Variants in PGCKA1 observed in about 807,000 individuals in gnomAD.
PGCKA1 encodes PDCD10 and GCKIII kinases-associated protein 1.
chr4:37,551,846 G>A, the PGCKA1 span, among the ~76,000 whole-genome samples: 7 of 152,212 alleles, frequency 4.6e-5, no homozygotes, highest in East Asian at 3.9e-4. Context: ...AAGCTTCATC[G>A]CTACCTTAGT....
At chr4:37,513,016 A>G in the PGCKA1 span, among the ~76,000 whole-genome samples, 18 of 151,552 alleles carry the variant, frequency 1.2e-4, no homozygotes, top group African/African-American at 4.4e-4. Flanking sequence ...TGAACCTGGG[A>G]GGCGGAGATT....
the PGCKA1 span, chr4:37,590,344 G>A: frequency 2.9e-4 from 471 of 1,613,696 alleles, 3 homozygotes; most frequent in African/African-American, 5.3e-3. Context: ...CCATGCCTGC[G>A]GTGTCAACGG....
At chr4:37,537,833 A>T in the PGCKA1 span, among the ~76,000 whole-genome samples, 2 of 152,226 alleles carry the variant, frequency 1.3e-5, no homozygotes, top group South Asian at 4.1e-4. Flanking sequence ...AACCTTATGC[A>T]AGTTATTTAG....
the PGCKA1 span, among the ~76,000 whole-genome samples, chr4:37,550,814 A>G: frequency 6.6e-6 from 1 of 152,174 alleles, no homozygotes; most frequent in African/African-American, 2.4e-5. Flanking sequence ...CAGGAGATCA[A>G]TGGCCATGGG....
chr4:37,519,419 A>G, the PGCKA1 span, among the ~76,000 whole-genome samples: 1 of 151,990 alleles, frequency 6.6e-6, no homozygotes, highest in Non-Finnish European at 1.5e-5. Context: ...TTTCCTTTTT[A>G]TATGTACTCT....
At chr4:37,590,763 G>A in the PGCKA1 span, 62 of 1,614,118 alleles carry the variant, frequency 3.8e-5, no homozygotes, top group East Asian at 1.1e-3. Flanking sequence ...TCTCTGTGAG[G>A]AGAAGCTGGG....
At chr4:37,518,241 A>G in the PGCKA1 span, among the ~76,000 whole-genome samples, 1 of 152,220 alleles carries the variant, frequency 6.6e-6, no homozygotes, top group African/African-American at 2.4e-5. Context: ...ACAGGGGTGC[A>G]GATATCTCTT....
chr4:37,583,991 G>A, the PGCKA1 span, among the ~76,000 whole-genome samples: 350 of 152,264 alleles, frequency 2.3e-3, 1 homozygote, highest in African/African-American at 7.9e-3. Context: ...CCAATCTTAC[G>A]TCAAAAGAGC....
At chr4:37,576,523 A>G in the PGCKA1 span, among the ~76,000 whole-genome samples, 4 of 152,090 alleles carry the variant, frequency 2.6e-5, no homozygotes, top group Admixed American at 2.6e-4. Context: ...TCTCATCAGC[A>G]GACAAAGGTA....
chr4:37,496,084 T>TA, the PGCKA1 span, among the ~76,000 whole-genome samples: 1 of 152,214 alleles, frequency 6.6e-6, no homozygotes, highest in Non-Finnish European at 1.5e-5. Flanking sequence ...CTTACTCTGC[T>TA]GATAGTTTCT....
At chr4:37,552,022 T>G in the PGCKA1 span, among the ~76,000 whole-genome samples, 1 of 152,246 alleles carries the variant, frequency 6.6e-6, no homozygotes, top group East Asian at 1.9e-4. Context: ...TTGTTTTATA[T>G]TGTTTTATAC....
chr4:37,551,560 A>G, the PGCKA1 span, among the ~76,000 whole-genome samples: 2 of 152,220 alleles, frequency 1.3e-5, no homozygotes, highest in African/African-American at 4.8e-5. Flanking sequence ...ACTACTTGCT[A>G]GCAGCTGAAA....
chr4:37,532,437 A>G, the PGCKA1 span, among the ~76,000 whole-genome samples: 3 of 152,266 alleles, frequency 2.0e-5, no homozygotes, highest in Non-Finnish European at 2.9e-5. Context: ...ACTATAGGTT[A>G]ACTATGGATA....
chr4:37,569,979 C>CTTT, the PGCKA1 span, among the ~76,000 whole-genome samples: 34,288 of 119,032 alleles, frequency 0.29, 6,441 homozygotes, highest in East Asian at 0.59. Flanking sequence ...GCATATAATC[C>CTTT]TTTTTTTTTT....
the PGCKA1 span, among the ~76,000 whole-genome samples, chr4:37,491,392 A>G: frequency 3.0e-4 from 45 of 152,364 alleles, no homozygotes; most frequent in African/African-American, 1.1e-3. Context: ...TATATGTGAT[A>G]TTCAGAAATG....
At chr4:37,572,123 C>T in the PGCKA1 span, among the ~76,000 whole-genome samples, 6 of 128,378 alleles carry the variant, frequency 4.7e-5, no homozygotes, top group East Asian at 2.3e-4. Flanking sequence ...AGTGCAGTGG[C>T]GGGATCTCGG....
chr4:37,529,900 A>T, the PGCKA1 span, among the ~76,000 whole-genome samples: 2 of 152,176 alleles, frequency 1.3e-5, no homozygotes, highest in African/African-American at 4.8e-5. Flanking sequence ...ACAAACCTAT[A>T]AGATAGGTAT....
At chr4:37,590,581 G>A in the PGCKA1 span, 1 of 1,614,168 alleles carries the variant, frequency 6.2e-7, no homozygotes, top group Non-Finnish European at 8.5e-7. Context: ...TGCCTTGGAA[G>A]TACAAGACCA....
At chr4:37,590,334 C>T in the PGCKA1 span, 7 of 1,613,602 alleles carry the variant, frequency 4.3e-6, no homozygotes, top group Non-Finnish European at 5.1e-6. Context: ...GAGGGGAACA[C>T]CATGCCTGCG....
Sources: gnomAD v4.1 joint callset for allele counts (sites outside exome capture counted in the v4.1 genomes callset) on GRCh38, gnomAD v4.1.1 for gene constraint, MANE v1.5 for transcripts, NCBI Gene and HGNC (gene_info 2026-07-23, HGNC 2026-07-21) for gene names.